The following POR variants were observed in gnomAD, a reference collection of about 807,000 sequenced individuals.
POR encodes cytochrome p450 oxidoreductase.
POR carries 56 observed loss-of-function variants against 84.0 expected under a neutral mutation model. The observed-to-expected ratio is 0.67, with a 90% CI of 0.54 to 0.83. POR has a LOEUF of 0.83. Ranked by LOEUF, POR falls within the 40% of genes least tolerant of loss-of-function variation. The pLI is 0.00. For missense variants in POR, 938 were observed against 944.3 expected, an observed-to-expected ratio of 0.99 and a Z score of 0.09; for synonymous variants, 414 against 400.5, an observed-to-expected ratio of 1.03 and a Z score of -0.40.
chr7:75,958,405 A>G (rs1358258353), intron 2 of POR, among the ~76,000 whole-genome samples: 1 of 151,778 alleles, frequency 6.6e-6, no homozygotes, highest in Non-Finnish European at 1.5e-5. Context: ...GGCGTGAGCC[A>G]CCATGCCTGG....
Position 75,927,442 on chromosome 7 carries a change from G to A in POR, c.-5+12263G>A, listed in dbSNP as rs117901075. Among the ~76,000 whole-genome samples, 120 of 151,788 alleles carry A rather than the reference G, an allele frequency of 7.9e-4. 2 individuals carry two copies. The East Asian group carries it at 0.016, about 20-fold the overall frequency. On this transcript the variant is annotated intron_variant, in intron 1 of 15. Coordinates refer to ENST00000461988, the MANE Select transcript of POR (RefSeq NM_000941.3). ...ACTGTACAGCAGCCTGGCTGACAGAGTGAGACCCTGTCTCAAAAAAAAAAC... is the reference window on the plus strand; with the variant it reads ...ACTGTACAGCAGCCTGGCTGACAGAATGAGACCCTGTCTCAAAAAAAAAAC...
chr7:75,928,639 G>A (rs146747700), intron 1 of POR, among the ~76,000 whole-genome samples: 123 of 152,306 alleles, frequency 8.1e-4, no homozygotes, highest in African/African-American at 2.8e-3. Context: ...AGGGCCTAGC[G>A]GAGTCACCCT....
At chr7:75,920,366 C>T (rs782483633) in intron 1 of POR, among the ~76,000 whole-genome samples, 8 of 152,030 alleles carry the variant, frequency 5.3e-5, no homozygotes, top group Non-Finnish European at 1.0e-4. Flanking sequence ...CCACCATGTC[C>T]AGCTTATAAG....
Position 75,985,964 on chromosome 7 carries a change from C to G in POR, c.1711C>G (p.Arg571Gly). The G allele has an allele frequency of 1.3e-6, 2 of 1,587,788 alleles. No homozygotes were observed. Among genetic ancestry groups the G allele is most frequent in the Non-Finnish European group, 1.7e-6 (2 of 1,168,670 alleles). The change falls in exon 14 of 16, where the codon CGC becomes GGC. Residue 571 changes from arginine to glycine, a missense_variant. Physicochemically the swap from Arg to Gly is moderately radical, Grantham distance 125. Coordinates refer to ENST00000461988, the MANE Select transcript of POR (RefSeq NM_000941.3). The stretch of plus-strand genomic sequence containing the variant: ...GACGCTGCTGTACTACGGCTGCCGC[C>G]GCTCGGATGAGGACTACCTGTACCG...
At chr7:75,983,882 G>C (rs1347187520) in intron 10 of POR, 26 bp downstream of exon 10, 2 of 1,556,522 alleles carry the variant, frequency 1.3e-6, no homozygotes, top group Non-Finnish European at 8.7e-7. Context: ...AGGGCGCCCT[G>C]CCGGGCTCAG....
intron 1 of POR, among the ~76,000 whole-genome samples, chr7:75,931,680 T>TTAAAGCCGTGACTCTATTTTCCCTTC (rs1554550160): frequency 4.6e-5 from 7 of 152,076 alleles, no homozygotes; most frequent in African/African-American, 1.7e-4. Flanking sequence ...GTTTTTCCTT[T>TTAAAGCCGTGACTCTATTTTCCCTTC]TAAAGCCGTG....
At chr7:75,948,523 T>C (rs1787277823) in intron 1 of POR, among the ~76,000 whole-genome samples, 1 of 152,156 alleles carries the variant, frequency 6.6e-6, no homozygotes, top group Admixed American at 6.6e-5. Context: ...TGAAAGAAGC[T>C]GTGAGTGCAG....
chr7:75,922,676 A>C (rs1331830427), intron 1 of POR: 2 of 273,732 alleles, frequency 7.3e-6, no homozygotes, highest in South Asian at 8.6e-5. Context: ...TTTTGGTAGG[A>C]CTTTAGTTTT....
intron 2 of POR, among the ~76,000 whole-genome samples, chr7:75,963,100 C>T (rs1184133297): frequency 1.3e-5 from 2 of 152,172 alleles, no homozygotes; most frequent in Non-Finnish European, 2.9e-5. Flanking sequence ...GCCAGCATCA[C>T]GTGTCTGTTT....
chr7:75,979,362 C>T (rs1157785751), intron 3 of POR, 89 bp from the exon 4 acceptor site: 17 of 1,508,498 alleles, frequency 1.1e-5, no homozygotes, highest in African/African-American at 1.4e-5. Flanking sequence ...CCTGGAGGGC[C>T]CCCGCCTGCC....
At chr7:75,918,613 G>A (rs528087011) in intron 1 of POR, 2 of 152,090 alleles carry the variant, frequency 1.3e-5, no homozygotes, top group Admixed American at 6.6e-5. Flanking sequence ...GCACACATCC[G>A]GCCTTAGGAT....
At chr7:75,982,900 G>A (rs1789140896) in intron 8 of POR, among the ~76,000 whole-genome samples, 1 of 152,180 alleles carries the variant, frequency 6.6e-6, no homozygotes, top group Admixed American at 6.5e-5. Context: ...TGGGGGAGCT[G>A]TGCTCCTCAT....
At chr7:75,985,555 G>A (rs782629601) in intron 12 of POR, 24 bp from the exon 13 acceptor site, 5 of 1,506,472 alleles carry the variant, frequency 3.3e-6, no homozygotes, top group East Asian at 2.4e-5. Flanking sequence ...TGTGGCGGTG[G>A]AGCTCACACG....
At chr7:75,921,513 C>T (rs933817669) in intron 1 of POR, among the ~76,000 whole-genome samples, 5 of 152,032 alleles carry the variant, frequency 3.3e-5, no homozygotes, top group South Asian at 2.1e-4. Flanking sequence ...CTGCCTGCCT[C>T]GGCCTCCCAA....
At chr7:75,957,102 C>A (rs192106229) in intron 2 of POR, among the ~76,000 whole-genome samples, 2 of 152,170 alleles carry the variant, frequency 1.3e-5, no homozygotes, top group African/African-American at 4.8e-5. Flanking sequence ...GCAACAGCGC[C>A]GTGCGTTAGG....
At chr7:75,981,868 G>T (rs1007894059) in intron 7 of POR, 21 of 578,164 alleles carry the variant, frequency 3.6e-5, no homozygotes, top group Non-Finnish European at 6.4e-5. Context: ...TGGCAAAAGG[G>T]CTCATTTCCT....
chr7:75,949,210 A>G (rs1554552445), intron 1 of POR, among the ~76,000 whole-genome samples: 1 of 151,898 alleles, frequency 6.6e-6, no homozygotes. Flanking sequence ...GCTGGAGTGC[A>G]GTGGCGTGAT....
In POR at chr7:75,939,305, C is replaced by T. The variant is rs143144755; in HGVS notation, c.-4-14684C>T. 2.8e-4 allele frequency among the ~76,000 whole-genome samples: 43 copies of T among 152,372 alleles called. No homozygotes were observed. The East Asian group carries it at 6.8e-3, about 24-fold the overall frequency. ...GGATTAGGAGCCTGCCTGCCTCGCA[C>T]TCCCTGGCATCCTTAGTGCTTTGGG... is the stretch of plus-strand genomic sequence containing the variant. On this transcript the variant is annotated intron_variant, in intron 1 of 15. Coordinates refer to ENST00000461988, the MANE Select transcript of POR (RefSeq NM_000941.3).
Position 75,940,057 on chromosome 7 carries a change from C to T in POR, c.-4-13932C>T, listed in dbSNP as rs373727161. On this transcript the variant is annotated intron_variant, in intron 1 of 15. Coordinates refer to ENST00000461988, the MANE Select transcript of POR (RefSeq NM_000941.3). ...GGGACTACAGACCTGAGCCAACGCTCCCCACCTCTTTACTCTTATTTTATT... is the reference window on the plus strand; with the variant it reads ...GGGACTACAGACCTGAGCCAACGCTTCCCACCTCTTTACTCTTATTTTATT... Among the ~76,000 whole-genome samples the T allele has an allele frequency of 1.8e-3, 275 of 152,056 alleles. 14 individuals are homozygous for T. The South Asian group carries it at 0.051, about 28-fold the overall frequency.
Sources: gnomAD v4.1 joint callset for allele counts (sites outside exome capture counted in the v4.1 genomes callset) on GRCh38, gnomAD v4.1.1 for gene constraint, MANE v1.5 for transcripts, NCBI Gene and HGNC (gene_info 2026-07-23, HGNC 2026-07-21) for gene names.